Variants in CRACDL observed in about 807,000 individuals in gnomAD.
CRACDL encodes CRACD-like protein.
Under a neutral mutation model 70.6 loss-of-function variants are expected in CRACDL, and 26 were observed. The observed-to-expected ratio is 0.37, with a 90% confidence interval of 0.27 to 0.51. The LOEUF is 0.51. Ranked by LOEUF, CRACDL falls within the 20% of genes least tolerant of loss-of-function variation. The pLI, the probability that CRACDL is intolerant of heterozygous loss-of-function variation, is 0.94. For synonymous variants in CRACDL, 618 were observed against 615.2 expected, an observed-to-expected ratio of 1.00 and a Z score of -0.07; for missense variants, 1,283 against 1,376.9, an observed-to-expected ratio of 0.93 and a Z score of 1.08.
chr2:98,876,849 C>T (rs1416096296), intron 1 of CRACDL, among the ~76,000 whole-genome samples: 1 of 152,170 alleles, frequency 6.6e-6, no homozygotes, highest in Non-Finnish European at 1.5e-5. Context: ...TTCCCAGCAC[C>T]GACAGCATGT....
chr2:98,801,143 A>T (rs905574017), intron 7 of CRACDL, among the ~76,000 whole-genome samples: 7 of 152,022 alleles, frequency 4.6e-5, no homozygotes, highest in Non-Finnish European at 8.8e-5. Flanking sequence ...CTTTCCTTTT[A>T]TTCTGTATTC....
intron 1 of CRACDL, among the ~76,000 whole-genome samples, chr2:98,896,117 C>T (rs1485022311): frequency 6.6e-6 from 1 of 152,030 alleles, no homozygotes; most frequent in African/African-American, 2.4e-5. Flanking sequence ...GGAGGGCTGG[C>T]TGGTGGCATG....
intron 5 of CRACDL, among the ~76,000 whole-genome samples, chr2:98,831,945 G>A (rs976432590): frequency 1.3e-5 from 2 of 152,126 alleles, no homozygotes; most frequent in Non-Finnish European, 2.9e-5. Context: ...GACCATCAGA[G>A]CCTCAACTAT....
intron 2 of CRACDL, among the ~76,000 whole-genome samples, chr2:98,841,509 T>TC (rs1706025811): frequency 6.6e-6 from 1 of 152,202 alleles, no homozygotes; most frequent in Admixed American, 6.5e-5. Context: ...ATTCTGATTG[T>TC]TAAAAAAAAC....
At chr2:98,810,203 C>A (rs180732103) in intron 7 of CRACDL, among the ~76,000 whole-genome samples, 1 of 152,078 alleles carries the variant, frequency 6.6e-6, no homozygotes, top group Admixed American at 6.6e-5. Flanking sequence ...GAGTGAAGTA[C>A]GCTCAATATG....
chr2:98,907,875 G>A (rs1156797929), intron 1 of CRACDL, among the ~76,000 whole-genome samples: 1 of 152,198 alleles, frequency 6.6e-6, no homozygotes, highest in Admixed American at 6.5e-5. Context: ...AAACTGCCAG[G>A]TGAACTACAT....
chr2:98,844,869 A>G (rs1181916027), intron 2 of CRACDL, among the ~76,000 whole-genome samples: 1 of 152,224 alleles, frequency 6.6e-6, no homozygotes. Context: ...TCTAGAAGCA[A>G]TATTAATCAA....
Position 98,823,077 on chromosome 2 carries a change from G to C in CRACDL, c.1196C>G (p.Ala399Gly). ...EEVVCAPEDV[A>G]SPFPTAIPEG... ...AGGGATGGCGGTGGGAAACGGGCTC[G>C]CGACGTCTTCGGGAGCACAGACCAC... The change falls in exon 7 of 10, where the codon GCG becomes GGG. Residue 399 changes from alanine (A) to glycine (G), a missense_variant. Physicochemically the swap from Ala to Gly is moderately conservative, Grantham distance 60. This residue lies in a region of CRACDL where 921 missense variants were observed against 881.9 expected (regional missense o/e 1.04). Transcript: ENST00000397899. This position sits in a 1 kb window ranked among gnomAD's most constrained non-coding sequence, Gnocchi z 4.0. 1 of 1,573,572 alleles carries C rather than the reference G, an allele frequency of 6.4e-7. No homozygotes were observed. The highest frequency in any genetic ancestry group is 1.2e-5 in the South Asian group (1 of 86,066).
At chr2:98,828,457 C>T (rs556305803) in intron 5 of CRACDL, among the ~76,000 whole-genome samples, 30 of 152,244 alleles carry the variant, frequency 2.0e-4, no homozygotes, top group Admixed American at 1.5e-3. Context: ...ACACCAGTGC[C>T]GTCCCCAGTG....
At chr2:98,857,466 C>T (rs956515683) in intron 1 of CRACDL, among the ~76,000 whole-genome samples, 5 of 152,002 alleles carry the variant, frequency 3.3e-5, no homozygotes, top group Non-Finnish European at 5.9e-5. Context: ...TTATATCTTA[C>T]TGGAACTAAA....
chr2:98,807,457 C>A (rs545410903), intron 7 of CRACDL, among the ~76,000 whole-genome samples: 3 of 152,300 alleles, frequency 2.0e-5, no homozygotes, highest in African/African-American at 7.2e-5. Flanking sequence ...CCCTTCCCCA[C>A]CCTACCACAG....
Position 98,822,057 on chromosome 2 carries a change from G to C in CRACDL, c.2216C>G (p.Thr739Ser). ...PLGTAPALRG[T>S]RAPSDQGKGK... ...CTTTCCTTGGTCGCTGGGGGCCCTG[G>C]TGCCTCGAAGGGCGGGGGCCGTCCC... The change falls in exon 7 of 10, where the codon ACC (threonine) becomes AGC (serine). Residue 739 changes from threonine (T) to serine (S), a missense_variant. By Grantham distance (58) the Thr-to-Ser change is moderately conservative. Around this residue, in one of 2 missense-constraint regions of CRACDL, gnomAD observed 921 missense variants for 881.9 expected, o/e 1.04. Coordinates refer to ENST00000397899, the MANE Select transcript of CRACDL (RefSeq NM_207362.3). The surrounding 1 kb of genome is among the most constrained non-coding windows in gnomAD (Gnocchi z 4.9). 1.3e-6 allele frequency: 2 copies of C among 1,548,968 alleles called. No homozygotes were observed. Among genetic ancestry groups the C allele is most frequent in the Non-Finnish European group, 1.7e-6 (2 of 1,146,232 alleles).
chr2:98,811,760 C>A (rs957263734), intron 7 of CRACDL, among the ~76,000 whole-genome samples: 66 of 152,206 alleles, frequency 4.3e-4, no homozygotes, highest in African/African-American at 1.5e-3. Flanking sequence ...TATATTTTTG[C>A]CTCTTCCAAA....
intron 7 of CRACDL, among the ~76,000 whole-genome samples, chr2:98,809,403 G>T (rs2104430437): frequency 6.6e-6 from 1 of 152,170 alleles, no homozygotes; most frequent in African/African-American, 2.4e-5. Context: ...GCACAAGTGG[G>T]TCATGTGGTG....
rs559429454 is a variant in CRACDL at position 98,920,910 on chromosome 2, C to A, written c.-11+15028G>T. On this transcript the variant is annotated intron_variant, in intron 1 of 9. Coordinates refer to ENST00000397899, the MANE Select transcript of CRACDL (RefSeq NM_207362.3). ...TGTTGACAAACTGGATCAAAGAAAC[C>A]TCAGGAGTGGAGAACCTGTTCCTCC... 2.8e-3 allele frequency among the ~76,000 whole-genome samples: 430 copies of A among 152,306 alleles called. 3 individuals carry two copies. The highest frequency in any genetic ancestry group is 8.6e-3 in the Admixed American group (132 of 15,298).
At chr2:98,798,332 C>T (rs1703921581) in intron 7 of CRACDL, among the ~76,000 whole-genome samples, 1 of 150,644 alleles carries the variant, frequency 6.6e-6, no homozygotes, top group African/African-American at 2.4e-5. Context: ...ACAAGAGTGA[C>T]ACTCTGGAGG....
intron 7 of CRACDL, among the ~76,000 whole-genome samples, chr2:98,817,915 A>AG (rs1357152145): frequency 6.6e-6 from 1 of 152,218 alleles, no homozygotes; most frequent in African/African-American, 2.4e-5. Flanking sequence ...TTTGTAAAAA[A>AG]AATAAATCTC....
chr2:98,805,231 T>C (rs1269184209), intron 7 of CRACDL, among the ~76,000 whole-genome samples: 1 of 152,076 alleles, frequency 6.6e-6, no homozygotes, highest in Non-Finnish European at 1.5e-5. Flanking sequence ...GCTACACACA[T>C]AGGATCTGTG....
Position 98,914,594 on chromosome 2 carries a change from C to A in CRACDL, c.-11+21344G>T, listed in dbSNP as rs77580654. Among the ~76,000 whole-genome samples the A allele has an allele frequency of 9.7e-3, 1,474 of 152,286 alleles. 2 individuals are homozygous for A. The highest frequency in any genetic ancestry group is 0.027 in the Middle Eastern group (8 of 294). On this transcript the variant is annotated intron_variant, in intron 1 of 9. Transcript: ENST00000397899. ...AGACTTTTTTAAAGACAGGAGCTTG[C>A]GCAGGGCACAGAGGAGCTCTGTCCC...
Sources: gnomAD v4.1 joint callset for allele counts (sites outside exome capture counted in the v4.1 genomes callset) on GRCh38, gnomAD v4.1.1 for gene constraint, gnomAD v4.1.1 regional missense constraint, Gnocchi (gnomAD v3.1) non-coding constraint, MANE v1.5 for transcripts, NCBI Gene and HGNC (gene_info 2026-07-23, HGNC 2026-07-21) for gene names.